ABCB1: variants seen among roughly 807,000 people sequenced by gnomAD.
ABCB1 encodes the protein ATP binding cassette subfamily B member 1, also known as ATP-dependent translocase ABCB1.
In ABCB1, 69 loss-of-function variants were observed where a neutral mutation model predicts 142.0. The ratio of observed to expected loss-of-function variants is 0.49; its 90% confidence interval spans 0.40 to 0.59. The LOEUF (loss-of-function observed/expected upper bound fraction) is 0.59. Ranked by LOEUF, ABCB1 falls within the 20% of genes least tolerant of loss-of-function variation. The probability of loss-of-function intolerance (pLI) is 0.00; values close to 1 mark genes in which losing one functional copy is unlikely to be tolerated. For synonymous variants in ABCB1, 532 were observed against 539.2 expected, an observed-to-expected ratio of 0.99 and a Z score of 0.18; for missense variants, 1,326 against 1,554.7, an observed-to-expected ratio of 0.85 and a Z score of 2.47.
chr7:87,588,533 T>C (rs1209639874), intron 3 of ABCB1, among the ~76,000 whole-genome samples: 1 of 152,222 alleles, frequency 6.6e-6, no homozygotes, highest in African/African-American at 2.4e-5. Flanking sequence ...TATGGCTGCA[T>C]GGTGTTCAAT....
At chr7:87,707,671 C>CATAAA (rs1414553975) in intron 1 of ABCB1, among the ~76,000 whole-genome samples, 2 of 151,508 alleles carry the variant, frequency 1.3e-5, no homozygotes, top group Middle Eastern at 3.4e-3. Context: ...AAGACCCTGT[C>CATAAA]ATAAAATAAA....
rs1398389130 is a variant in ABCB1, at chr7:87,549,508, G to T, written c.1565C>A (p.Thr522Asn). The T allele has an allele frequency of 1.2e-6, 2 of 1,614,138 alleles. No homozygotes were observed. The highest frequency in any genetic ancestry group is 2.2e-5 in the East Asian group (1 of 44,890). Residue 522 changes from threonine (T) to asparagine (N), a missense_variant, in exon 14 of 28, where the codon ACC becomes AAC. By Grantham distance (65) the Thr-to-Asn change is moderately conservative. Coordinates refer to ENST00000622132, the MANE Select transcript of ABCB1 (RefSeq NM_001348946.2). ...CTGGGCCCCTCTCTCTCCAACCAGG[G>T]TGTCAAATTTCTACCACAGAAAACC... ...FIMKLPHKFD[T>N]LVGERGAQLS...
rs146660844 is a variant in ABCB1 at position 87,577,123 on chromosome 7, A to G, written c.287-6900T>C. On this transcript the variant is annotated intron_variant, in intron 4 of 27. Transcript: ENST00000622132. The stretch of plus-strand genomic sequence containing the variant: ...TCATTCTACTATCTCTATAAGTCCA[A>G]TTGTTTTAATTTTTTAGCTCCCACA... 6.6e-3 allele frequency among the ~76,000 whole-genome samples: 1,007 copies of G among 152,226 alleles called. 13 individuals are homozygous for G. Among genetic ancestry groups the G allele is most frequent in the Middle Eastern group, 0.061 (18 of 294 alleles).
At chr7:87,617,700 T>A (rs1346828341) in intron 1 of ABCB1, among the ~76,000 whole-genome samples, 1 of 152,200 alleles carries the variant, frequency 6.6e-6, no homozygotes, top group Admixed American at 6.5e-5. Context: ...GGCAGCAGTT[T>A]GTACTTAATG....
At chr7:87,620,944 A>G (rs1250650003) in intron 1 of ABCB1, among the ~76,000 whole-genome samples, 1 of 152,154 alleles carries the variant, frequency 6.6e-6, no homozygotes, top group Non-Finnish European at 1.5e-5. Context: ...CTCATACAAA[A>G]AACCTTACTC....
intron 1 of ABCB1, among the ~76,000 whole-genome samples, chr7:87,672,966 C>T (rs1825979849): frequency 6.6e-6 from 1 of 152,166 alleles, no homozygotes; most frequent in Admixed American, 6.5e-5. Flanking sequence ...GAGAGCCATG[C>T]ACACTGGCTG....
At chr7:87,609,788 G>A (rs1584920665) in intron 1 of ABCB1, among the ~76,000 whole-genome samples, 1 of 151,952 alleles carries the variant, frequency 6.6e-6, no homozygotes, top group Non-Finnish European at 1.5e-5. Flanking sequence ...AGTGGTATCT[G>A]TAGTCCAAGT....
chr7:87,536,880 A>G (rs2117146033), intron 19 of ABCB1, among the ~76,000 whole-genome samples: 1 of 152,306 alleles, frequency 6.6e-6, no homozygotes, highest in South Asian at 2.1e-4. Flanking sequence ...TAAGAAGAAC[A>G]GAAAAGTGAG....
intron 19 of ABCB1, among the ~76,000 whole-genome samples, chr7:87,538,851 A>G (rs1816404221): frequency 6.6e-6 from 1 of 152,144 alleles, no homozygotes; most frequent in African/African-American, 2.4e-5. Flanking sequence ...AACAGGACAC[A>G]GGGATGAGTT....
rs554363039 is a variant in ABCB1, at chr7:87,544,809, A to G, written c.2064+14T>C. ...TTAGTGAGATTAAAACAAACTCCGC[A>G]TCTCCCTTCATACCAGAGCCTCTTT... On this transcript the variant is annotated intron_variant, in intron 16 of 27. Coordinates refer to ENST00000622132, the MANE Select transcript of ABCB1 (RefSeq NM_001348946.2). The G allele has an allele frequency of 6.8e-6, 11 of 1,613,818 alleles. No homozygotes were observed. In the South Asian group the frequency reaches 1.2e-4, roughly 18 times the overall value.
chr7:87,610,232 C>CTTTTTTTTTTTTTT (rs914468581), intron 1 of ABCB1, among the ~76,000 whole-genome samples: 1 of 117,040 alleles, frequency 8.5e-6, no homozygotes, highest in Admixed American at 8.9e-5. Flanking sequence ...CTTTTTCTTT[C>CTTTTTTTTTTTTTT]TTTTTTTTTT....
intron 1 of ABCB1, chr7:87,627,669 G>T (rs1820747901): frequency 6.6e-6 from 1 of 152,280 alleles, no homozygotes; most frequent in East Asian, 1.9e-4. Context: ...CGTCGAGGAG[G>T]GCGTTCCAGG....
chr7:87,652,242 C>T (rs1056854754), intron 1 of ABCB1, among the ~76,000 whole-genome samples: 3 of 152,028 alleles, frequency 2.0e-5, no homozygotes, highest in Non-Finnish European at 4.4e-5. Context: ...ATATGATTCT[C>T]TCACAAAAAC....
intron 1 of ABCB1, among the ~76,000 whole-genome samples, chr7:87,646,783 G>A (rs547509994): frequency 7.9e-5 from 12 of 152,140 alleles, no homozygotes; most frequent in Non-Finnish European, 1.0e-4. Flanking sequence ...TGAGATGGAC[G>A]TAGGAAATAA....
rs199779996 is a variant in ABCB1 at position 87,539,299 on chromosome 7, C to T, written c.2366G>A (p.Arg789Gln). ...KAGEILTKRLRYMVFRSMLRQ... is the reference protein window; with the variant it reads ...KAGEILTKRLQYMVFRSMLRQ... ...GAGCATGGATCGGAAAACCATGTAT[C>T]GGAGCCGCTTGGTGAGGATCTCTCC... Residue 789 changes from arginine (R) to glutamine (Q), a missense_variant, in exon 19 of 28, where the codon CGA becomes CAA. Transcript: ENST00000622132. 4.3e-6 allele frequency: 7 copies of T among 1,614,144 alleles called. No individual in the cohort carries two copies. The highest frequency in any genetic ancestry group is 2.2e-5 in the East Asian group (1 of 44,884).
chr7:87,574,098 C>T (rs1818177040), intron 4 of ABCB1, among the ~76,000 whole-genome samples: 1 of 152,144 alleles, frequency 6.6e-6, no homozygotes, highest in Admixed American at 6.5e-5. Context: ...AGAAGCCTGC[C>T]TCCTTCCACC....
chr7:87,616,313 C>A (rs971189724), intron 1 of ABCB1, among the ~76,000 whole-genome samples: 8 of 152,058 alleles, frequency 5.3e-5, no homozygotes, highest in Non-Finnish European at 7.4e-5. Flanking sequence ...ATCCAAGAAA[C>A]CTTTTTCGTC....
chr7:87,626,029 G>GAA (rs1310417254), intron 1 of ABCB1, among the ~76,000 whole-genome samples: 2 of 139,118 alleles, frequency 1.4e-5, no homozygotes, highest in East Asian at 2.4e-4. Flanking sequence ...TATATAGAGA[G>GAA]AGAGAGAGAG....
chr7:87,691,067 A>T (rs1357213623), intron 1 of ABCB1, among the ~76,000 whole-genome samples: 1 of 152,182 alleles, frequency 6.6e-6, no homozygotes, highest in African/African-American at 2.4e-5. Flanking sequence ...TGAATAGAAA[A>T]CAAAGTTGGA....
Sources: allele counts gnomAD v4.1 joint callset (sites outside exome capture counted in the v4.1 genomes callset), GRCh38; gene constraint gnomAD v4.1.1; transcripts MANE v1.5; gene names NCBI Gene and HGNC (gene_info 2026-07-23, HGNC 2026-07-21).